The following MAPK8 variants were observed in gnomAD, a reference collection of about 807,000 sequenced individuals.
MAPK8 encodes the protein JUN N-terminal kinase.
In MAPK8, 13 loss-of-function variants were observed where a neutral mutation model predicts 52.9. The observed-to-expected ratio is 0.25, with a 90% CI of 0.16 to 0.39. The LOEUF (loss-of-function observed/expected upper bound fraction) is 0.39, where lower values mean the gene tolerates loss of function less well. MAPK8 is among the 10% of genes least tolerant of loss of function. MAPK8 has a pLI of 1.00. For missense variants in MAPK8, 300 were observed against 519.2 expected (o/e 0.58, Z 4.10); for synonymous variants, 191 against 169.8 (o/e 1.12, Z -0.97).
chr10:48,334,357 C>G (rs1844460084), intron 1 of MAPK8, among the ~76,000 whole-genome samples: 1 of 152,214 alleles, frequency 6.6e-6, no homozygotes, highest in African/African-American at 2.4e-5. Flanking sequence ...CTTTGTCTGT[C>G]TCTGGCCGTT....
chr10:48,413,261 A>C (rs912202233), intron 5 of MAPK8, among the ~76,000 whole-genome samples: 1 of 152,204 alleles, frequency 6.6e-6, no homozygotes, highest in African/African-American at 2.4e-5. Context: ...GGTTGTCCAA[A>C]TATCTCTTTG....
chr10:48,355,747 A>G (rs1044703440), intron 1 of MAPK8, among the ~76,000 whole-genome samples: 2 of 152,188 alleles, frequency 1.3e-5, no homozygotes, highest in South Asian at 2.1e-4. Flanking sequence ...TCTTGTGAAC[A>G]ACACTAAACT....
chr10:48,408,521 A>G (rs569272529), intron 3 of MAPK8, among the ~76,000 whole-genome samples: 2 of 152,360 alleles, frequency 1.3e-5, no homozygotes, highest in East Asian at 3.9e-4. Flanking sequence ...ATGAAGTGTA[A>G]TATAGGACTT....
At chr10:48,417,637 C>G (rs1030779886) in intron 5 of MAPK8, among the ~76,000 whole-genome samples, 1 of 152,126 alleles carries the variant, frequency 6.6e-6, no homozygotes, top group Non-Finnish European at 1.5e-5. Flanking sequence ...GGTAGAAGAG[C>G]AAGAGCTATG....
At chr10:48,430,118 G>C (rs1441896937) in intron 10 of MAPK8, 1 of 152,208 alleles carries the variant, frequency 6.6e-6, no homozygotes, top group Non-Finnish European at 1.5e-5. Flanking sequence ...TGTTGAGATG[G>C]AGCCTTGCTC....
intron 1 of MAPK8, among the ~76,000 whole-genome samples, chr10:48,365,143 C>A (rs1051727334): frequency 1.3e-5 from 2 of 152,088 alleles, no homozygotes; most frequent in African/African-American, 4.8e-5. Flanking sequence ...CCCTTGATTT[C>A]TCTTTATTGT....
At chr10:48,409,121 A>C (rs1206310470) in intron 3 of MAPK8, among the ~76,000 whole-genome samples, 1 of 152,108 alleles carries the variant, frequency 6.6e-6, no homozygotes, top group Non-Finnish European at 1.5e-5. Context: ...AATCTGTAAC[A>C]CTAGTGTTAG....
At chr10:48,322,284 G>A (rs1843072392) in intron 1 of MAPK8, among the ~76,000 whole-genome samples, 2 of 150,646 alleles carry the variant, frequency 1.3e-5, no homozygotes, top group South Asian at 2.1e-4. Flanking sequence ...GAAGTTAGCA[G>A]GGTTTTGTAC....
chr10:48,410,193 A>G (rs768955599), intron 5 of MAPK8, 25 bp downstream of exon 5: 35 of 1,462,930 alleles, frequency 2.4e-5, no homozygotes, highest in Non-Finnish European at 3.0e-5. Context: ...CTATCGTCAT[A>G]CTCTTTGTTT....
intron 5 of MAPK8, among the ~76,000 whole-genome samples, chr10:48,416,101 A>C (rs1398702750): frequency 6.6e-6 from 1 of 152,022 alleles, no homozygotes; most frequent in African/African-American, 2.4e-5. Flanking sequence ...TTCTAGATTC[A>C]CCTCCACCCT....
chr10:48,382,438 T>C (rs983689472), intron 1 of MAPK8, among the ~76,000 whole-genome samples: 2 of 152,134 alleles, frequency 1.3e-5, no homozygotes, highest in Admixed American at 6.5e-5. Flanking sequence ...TGTACACATA[T>C]ATACATAAAA....
intron 1 of MAPK8, among the ~76,000 whole-genome samples, chr10:48,318,394 C>A (rs989660633): frequency 1.3e-5 from 2 of 152,166 alleles, no homozygotes; most frequent in African/African-American, 4.8e-5. Context: ...ACACTTAAAA[C>A]TAACCATCAC....
In MAPK8 at chr10:48,386,492, G is replaced by A. The variant is rs917045417; in HGVS notation, c.-49-15120G>A. Among the ~76,000 whole-genome samples the A allele has an allele frequency of 3.3e-5, 5 of 152,240 alleles. No individual in the cohort carries two copies. The East Asian group carries it at 9.6e-4, about 29-fold the overall frequency. ...TTGTGAAAATTGACGTTGCTTTACT[G>A]ACACTAATAATCTACATGCAGTTGA... On this transcript the variant is annotated intron_variant, in intron 1 of 11. Coordinates refer to ENST00000374189, the MANE Select transcript of MAPK8 (RefSeq NM_001323329.2).
chr10:48,432,845 A>T (rs1381859432), intron 11 of MAPK8, among the ~76,000 whole-genome samples: 1 of 152,212 alleles, frequency 6.6e-6, no homozygotes, highest in African/African-American at 2.4e-5. Flanking sequence ...CTTTTTCTGG[A>T]TCCTCAGTTA....
chr10:48,314,745 T>G (rs1842336628), intron 1 of MAPK8, among the ~76,000 whole-genome samples: 2 of 152,230 alleles, frequency 1.3e-5, no homozygotes, highest in South Asian at 4.1e-4. Context: ...TGTCCTTGTC[T>G]TTGCATGTTT....
In MAPK8 at chr10:48,343,953, TTGG is replaced by T. The variant is rs376935212; in HGVS notation, c.-50+37134_-50+37136del. 7.2e-5 allele frequency among the ~76,000 whole-genome samples: 11 copies of T among 152,278 alleles called. No individual in the cohort carries two copies. The East Asian group carries it at 1.2e-3, about 16-fold the overall frequency. Reference sequence around the variant, plus strand: ...AGCAGCTTGCTGGGTTCATCTGGGGTTGGTATTTTGCAAGACAGGAATCTAAGG... The same window carrying T: ...AGCAGCTTGCTGGGTTCATCTGGGGTTATTTTGCAAGACAGGAATCTAAGG... On this transcript the variant is annotated intron_variant, in intron 1 of 11. Coordinates refer to ENST00000374189, the MANE Select transcript of MAPK8 (RefSeq NM_001323329.2).
chr10:48,320,525 C>T (rs1316386170), intron 1 of MAPK8, among the ~76,000 whole-genome samples: 2 of 152,084 alleles, frequency 1.3e-5, no homozygotes, highest in Non-Finnish European at 2.9e-5. Flanking sequence ...GAGGCATGAA[C>T]CACAGTGCCT....
At chr10:48,328,808 C>T (rs905665674) in intron 1 of MAPK8, among the ~76,000 whole-genome samples, 7 of 152,198 alleles carry the variant, frequency 4.6e-5, no homozygotes, top group African/African-American at 7.2e-5. Context: ...TCTTCTATGG[C>T]ATCTCTGAAA....
intron 1 of MAPK8, among the ~76,000 whole-genome samples, chr10:48,357,071 CTG>C (rs1434564861): frequency 2.6e-5 from 4 of 152,030 alleles, no homozygotes; most frequent in African/African-American, 9.7e-5. Context: ...ATATTTAATG[CTG>C]TGACTACAAA....
Sources: gnomAD v4.1 joint callset for allele counts (sites outside exome capture counted in the v4.1 genomes callset) on GRCh38, gnomAD v4.1.1 for gene constraint, MANE v1.5 for transcripts, NCBI Gene and HGNC (gene_info 2026-07-23, HGNC 2026-07-21) for gene names.